Variants in TBC1D10B observed in about 807,000 individuals in gnomAD.
The protein encoded by TBC1D10B is TBC1 domain family member 10B.
In TBC1D10B, 25 loss-of-function variants were observed where a neutral mutation model predicts 78.4. The observed-to-expected ratio is 0.32, with a 90% CI of 0.23 to 0.45. TBC1D10B has a LOEUF of 0.45. Among genes scored for constraint, TBC1D10B ranks in the 20% least tolerant of loss-of-function variants. TBC1D10B has a pLI of 1.00. For missense variants in TBC1D10B, 996 were observed against 1,104.8 expected, an observed-to-expected ratio of 0.90 and a Z score of 1.40; for synonymous variants, 517 against 478.0, an observed-to-expected ratio of 1.08 and a Z score of -1.06.
Position 30,369,654 on chromosome 16 carries a change from G to T in TBC1D10B, c.530C>A (p.Thr177Asn). Residue 177 changes from threonine to asparagine, a missense_variant, in exon 1 of 9, where the codon ACC (threonine) becomes AAC (asparagine). Around this residue, in one of 5 missense-constraint regions of TBC1D10B, gnomAD observed 448 missense variants for 442.1 expected, o/e 1.01. Transcript: ENST00000409939. The surrounding 1 kb of genome is among the most constrained non-coding windows in gnomAD (Gnocchi z 4.3). ...TGCAGTCACTCCTGAGGCCACTGTG[G>T]TTCCCGGCTTGGGGGCAAGCGGGGG... Reference protein sequence around the residue: ...AKPPLAPKPGTTVASGVTARS... With the variant: ...AKPPLAPKPGNTVASGVTARS... The T allele has an allele frequency of 6.5e-7, 1 of 1,533,856 alleles. No homozygotes were observed. Among genetic ancestry groups the T allele is most frequent in the Non-Finnish European group, 8.8e-7 (1 of 1,137,696 alleles).
In TBC1D10B at chr16:30,358,220, G is replaced by A; in HGVS notation, c.2151C>T (p.Ser717=). The A allele has an allele frequency of 6.4e-7, 1 of 1,554,212 alleles. No homozygotes were observed. The highest frequency in any genetic ancestry group is 1.7e-4 in the Middle Eastern group (1 of 5,996). Residue 717 remains serine (S), a synonymous_variant, in exon 9 of 9, where the codon TCC becomes TCT. Transcript: ENST00000409939. ...SPTGNSTPLG[S]SKETRKQEKE... is the part of the protein sequence containing the mutation. Reference sequence around the variant, plus strand: ...TCTCCTGCTTCCGGGTCTCCTTGCTGGAACCCAAGGGGGTGCTATTGCCAG... The same window carrying A: ...TCTCCTGCTTCCGGGTCTCCTTGCTAGAACCCAAGGGGGTGCTATTGCCAG...
chr16:30,364,925 T>C lies in TBC1D10B; in HGVS notation c.1246A>G (p.Met416Val). The C allele has an allele frequency of 6.2e-7, 1 of 1,612,674 alleles. No individual in the cohort carries two copies. The highest frequency in any genetic ancestry group is 8.5e-7 in the Non-Finnish European group (1 of 1,179,398). ...CCATGCCCCCCTCGAGCAGCAAACA[T>C]CTCGTGGAAAGGGAACTGGCGGTGC... The part of the protein sequence containing the change: ...DLHRQFPFHE[M>V]FAARGGHGQQ... The change falls in exon 4 of 9, where the codon ATG (methionine) becomes GTG (valine). Residue 416 changes from methionine (M) to valine (V), a missense_variant. Met to Val is a conservative substitution (Grantham distance 21). Transcript: ENST00000409939.
chr16:30,365,656 G>A lies in TBC1D10B; in HGVS notation c.957-62C>T. 1 of 1,489,662 alleles carries A rather than the reference G, an allele frequency of 6.7e-7. No homozygotes were observed. Among genetic ancestry groups the A allele is most frequent in the Admixed American group, 1.7e-5 (1 of 59,730 alleles). The allele number at this position is 1,489,662 out of a possible 1,614,324, so 92.3% of individuals were successfully genotyped here. On this transcript the variant is annotated intron_variant, in intron 1 of 8. Coordinates refer to ENST00000409939, the MANE Select transcript of TBC1D10B (RefSeq NM_015527.4). This position sits in a 1 kb window ranked among gnomAD's most constrained non-coding sequence, Gnocchi z 5.0. ...AATAGTGTAAAACCTGCATTGCAGG[G>A]GGAACTGAGGCAAGCCACCTCCCCA...
intron 4 of TBC1D10B, among the ~76,000 whole-genome samples, chr16:30,360,918 C>T (rs2049594257): frequency 6.6e-6 from 1 of 151,976 alleles, no homozygotes; most frequent in Admixed American, 6.6e-5. Flanking sequence ...TCCCCTTGCT[C>T]CTGCACTATC....
Position 30,369,143 on chromosome 16 carries a change from TG to T in TBC1D10B, c.956+84del. On this transcript the variant is annotated intron_variant, in intron 1 of 8. Transcript: ENST00000409939. The surrounding 1 kb of genome is among the most constrained non-coding windows in gnomAD (Gnocchi z 4.3). Reference sequence around the variant, plus strand: ...CAGAGGAGGCTGGGCTGCCAGAGTCTGGGCAAAGTGTATCGTTTTCGTTTCG... The same window carrying T: ...CAGAGGAGGCTGGGCTGCCAGAGTCTGGCAAAGTGTATCGTTTTCGTTTCG... 1 of 1,376,076 alleles carries T rather than the reference TG, an allele frequency of 7.3e-7. No individual in the cohort carries two copies. The highest frequency in any genetic ancestry group is 1.5e-5 in the South Asian group (1 of 66,728). The allele number at this position is 1,376,076 out of a possible 1,614,324, so 85.2% of individuals were successfully genotyped here. A position where few individuals can be genotyped will look rare whatever the true frequency, so the allele number is the denominator to read the frequency against.
chr16:30,362,492 A>G (rs1775827048), intron 4 of TBC1D10B, among the ~76,000 whole-genome samples: 1 of 151,816 alleles, frequency 6.6e-6, no homozygotes, highest in African/African-American at 2.4e-5. Flanking sequence ...GCTCTTTCTC[A>G]TCTTCCCATT....
In TBC1D10B at chr16:30,365,253, G is replaced by T; in HGVS notation, c.1057-41C>A. 6.4e-7 allele frequency: 1 copy of T among 1,567,816 alleles called. No homozygotes were observed. The highest frequency in any genetic ancestry group is 8.8e-7 in the Non-Finnish European group (1 of 1,139,496). ...AGGAGGGGGACAGCTTCAAGGGCTG[G>T]CACAGCCTCCAACCTTTCCCCAGCA... On this transcript the variant is annotated intron_variant, in intron 2 of 8. Coordinates refer to ENST00000409939, the MANE Select transcript of TBC1D10B (RefSeq NM_015527.4). This position sits in a 1 kb window ranked among gnomAD's most constrained non-coding sequence, Gnocchi z 5.0.
chr16:30,360,595 G>A (rs1302097464), intron 4 of TBC1D10B, among the ~76,000 whole-genome samples: 1 of 152,116 alleles, frequency 6.6e-6, no homozygotes, highest in Non-Finnish European at 1.5e-5. Flanking sequence ...CAAAACTCCA[G>A]GCATTCAAGT....
At chr16:30,364,826 T>C (rs553755132) in intron 4 of TBC1D10B, 74 bp downstream of exon 4, 2 of 1,400,176 alleles carry the variant, frequency 1.4e-6, no homozygotes, top group African/African-American at 2.9e-5. Flanking sequence ...GACTCAGTCT[T>C]GTATCCACCT....
chr16:30,365,181 G>A lies in TBC1D10B; in HGVS notation c.1088C>T (p.Ser363Phe). The change falls in exon 3 of 9, where the codon TCC (serine) becomes TTC (phenylalanine). Residue 363 changes from serine (S) to phenylalanine (F), a missense_variant. By Grantham distance (155) the Ser-to-Phe change is radical. Transcript: ENST00000409939. The surrounding 1 kb of genome is among the most constrained non-coding windows in gnomAD (Gnocchi z 5.0). The stretch of plus-strand genomic sequence containing the variant: ...CTGCCAGGCTTTGGCTCTGAGAGAG[G>A]AGGGGATCCCCTTCCGGCAGCGCAG... The part of the protein sequence containing the change: ...VKLRCRKGIP[S>F]SLRAKAWQYL... 3 of 1,613,940 alleles carry A rather than the reference G, an allele frequency of 1.9e-6. No individual in the cohort carries two copies. The highest frequency in any genetic ancestry group is 2.5e-6 in the Non-Finnish European group (3 of 1,179,866).
chr16:30,362,489 C>A (rs938754901), intron 4 of TBC1D10B, among the ~76,000 whole-genome samples: 3 of 152,124 alleles, frequency 2.0e-5, no homozygotes, highest in African/African-American at 4.8e-5. Context: ...CCGGCTCTTT[C>A]TCATCTTCCC....
At chr16:30,362,111 T>C (rs1366867290) in intron 4 of TBC1D10B, among the ~76,000 whole-genome samples, 1 of 150,054 alleles carries the variant, frequency 6.7e-6, no homozygotes, top group Non-Finnish European at 1.5e-5. Context: ...GGCCTCCCAA[T>C]GTGCTGGGAT....
chr16:30,358,434 C>A lies in TBC1D10B; in HGVS notation c.1937G>T (p.Arg646Leu). 1 of 1,585,910 alleles carries A rather than the reference C, an allele frequency of 6.3e-7. No individual in the cohort carries two copies. The highest frequency in any genetic ancestry group is 8.6e-7 in the Non-Finnish European group (1 of 1,166,786). The change falls in exon 9 of 9, where the codon CGC (arginine) becomes CTC (leucine). Residue 646 changes from arginine (R) to leucine (L), a missense_variant. Physicochemically the swap from Arg to Leu is moderately radical, Grantham distance 102 (BLOSUM62 -2). Around this residue, in one of 5 missense-constraint regions of TBC1D10B, gnomAD observed 285 missense variants for 252.5 expected, o/e 1.13. Transcript: ENST00000409939. ...LHGSRAIHEE[R>L]RRQQPPLGPS... is the part of the protein sequence containing the mutation. ...GCCCAGGGGTGGCTGTTGCCGCCGG[C>A]GCTCCTCGTGGATGGCCCGGGACCC...
Position 30,369,632 on chromosome 16 carries a change from A to T in TBC1D10B, c.552T>A (p.Thr184=). ...KPGTTVASGV[T]ARSASGQVTG... ...TCACTTGTCCTGATGCACTCCGTGC[A>T]GTCACTCCTGAGGCCACTGTGGTTC... Residue 184 remains threonine, a synonymous_variant, in exon 1 of 9, where the codon ACT becomes ACA. Coordinates refer to ENST00000409939, the MANE Select transcript of TBC1D10B (RefSeq NM_015527.4). This position sits in a 1 kb window ranked among gnomAD's most constrained non-coding sequence, Gnocchi z 4.3. 6.5e-7 allele frequency: 1 copy of T among 1,530,582 alleles called. No individual in the cohort carries two copies. The allele number at this position is 1,530,582 out of a possible 1,614,324, so 94.8% of individuals were successfully genotyped here. A position where few individuals can be genotyped will look rare whatever the true frequency, so the allele number is the denominator to read the frequency against.
rs561142951 is a variant in TBC1D10B at position 30,359,118 on chromosome 16, G to A, written c.1642+54C>T. On this transcript the variant is annotated intron_variant, in intron 7 of 8. Coordinates refer to ENST00000409939, the MANE Select transcript of TBC1D10B (RefSeq NM_015527.4). The stretch of plus-strand genomic sequence containing the variant: ...CCACCAGAAATATGACAGAACCCCT[G>A]GTAGCCACCACAGAAACCCCAGCCC... 3.3e-5 allele frequency: 51 copies of A among 1,540,718 alleles called. No homozygotes were observed. The African/African-American group carries it at 6.4e-4, about 19-fold the overall frequency.
At chr16:30,362,986 G>A (rs532808372) in intron 4 of TBC1D10B, among the ~76,000 whole-genome samples, 39 of 152,172 alleles carry the variant, frequency 2.6e-4, no homozygotes, top group African/African-American at 6.5e-4. Flanking sequence ...GCAGTGACCC[G>A]AGGTGGCGCC....
rs539518968 is a variant in TBC1D10B at position 30,358,253 on chromosome 16, G to T, written c.2118C>A (p.Pro706=). 75 of 1,570,366 alleles carry T rather than the reference G, an allele frequency of 4.8e-5. 1 individual carries two copies. In the South Asian group the frequency reaches 7.9e-4, roughly 16 times the overall value. ...AGGGGGTGCTATTGCCAGTGGGTGAGGGAAGGGATGGATGCAGTCCCTCAG... is the reference window on the plus strand; with the variant it reads ...AGGGGGTGCTATTGCCAGTGGGTGATGGAAGGGATGGATGCAGTCCCTCAG... The part of the protein sequence containing the change: ...VTAEGLHPSL[P]SPTGNSTPLG... The change falls in exon 9 of 9, where the codon CCC becomes CCA. Residue 706 remains proline, a synonymous_variant. Transcript: ENST00000409939.
At chr16:30,359,890 T>C (rs2049588711) in intron 4 of TBC1D10B, 49 bp from the exon 5 acceptor site, 1 of 1,477,772 alleles carries the variant, frequency 6.8e-7, no homozygotes, top group Non-Finnish European at 9.2e-7. Flanking sequence ...CTGAGAGCTC[T>C]GTCCCCAAAC....
At chr16:30,366,203 AAAAAT>A (rs1327675591) in intron 1 of TBC1D10B, 4 of 152,582 alleles carry the variant, frequency 2.6e-5, no homozygotes, top group Non-Finnish European at 4.4e-5. Flanking sequence ...TACAAAAAAT[AAAAAT>A]AAAATAATAA....
Sources: gnomAD v4.1 joint callset for allele counts (sites outside exome capture counted in the v4.1 genomes callset) on GRCh38, gnomAD v4.1.1 for gene constraint, gnomAD v4.1.1 regional missense constraint, Gnocchi (gnomAD v3.1) non-coding constraint, MANE v1.5 for transcripts, NCBI Gene and HGNC (gene_info 2026-07-23, HGNC 2026-07-21) for gene names.